Variants in FHIT observed in about 807,000 individuals in gnomAD.
The protein encoded by FHIT is bis(5'-adenosyl)-triphosphatase.
FHIT carries 19 observed loss-of-function variants against 17.9 expected under a neutral mutation model. That is an observed-to-expected ratio of 1.06 (90% confidence interval 0.74 to 1.56). The LOEUF (loss-of-function observed/expected upper bound fraction) is 1.56. Among genes scored for constraint, FHIT ranks in the 40% most tolerant of loss-of-function variants. The probability of loss-of-function intolerance (pLI) is 0.00; values close to 1 mark genes in which losing one functional copy is unlikely to be tolerated. For synonymous variants in FHIT, 81 were observed against 69.7 expected (o/e 1.16, Z -0.81); for missense variants, 248 against 189.2 (o/e 1.31, Z -1.82).
intron 5 of FHIT, among the ~76,000 whole-genome samples, chr3:60,117,454 T>C (rs1010849979): frequency 5.7e-5 from 7 of 122,758 alleles, no homozygotes; most frequent in Non-Finnish European, 6.4e-5. Flanking sequence ...ATAATGTCAA[T>C]ATTAAATCCA....
chr3:60,353,309 C>A (rs1699503497), intron 5 of FHIT, among the ~76,000 whole-genome samples: 1 of 152,042 alleles, frequency 6.6e-6, no homozygotes, highest in African/African-American at 2.4e-5. Context: ...GATGCCCAGG[C>A]CTGGTTGGTA....
intron 8 of FHIT, among the ~76,000 whole-genome samples, chr3:59,875,298 C>T (rs772887786): frequency 2.6e-5 from 4 of 152,240 alleles, no homozygotes; most frequent in Non-Finnish European, 5.9e-5. Flanking sequence ...GAGGTGCCAG[C>T]TGTTTCCCCT....
At chr3:60,027,116 C>CAG (rs1559559887) in intron 5 of FHIT, among the ~76,000 whole-genome samples, 2 of 119,856 alleles carry the variant, frequency 1.7e-5, no homozygotes, top group Non-Finnish European at 3.4e-5. Flanking sequence ...CAGACACACA[C>CAG]ACACACACAC....
intron 8 of FHIT, among the ~76,000 whole-genome samples, chr3:59,833,226 C>T (rs1165149771): frequency 1.3e-5 from 2 of 152,152 alleles, no homozygotes; most frequent in Non-Finnish European, 2.9e-5. Flanking sequence ...CTAATCACTA[C>T]TACCTCAATA....
intron 4 of FHIT, among the ~76,000 whole-genome samples, chr3:60,705,918 T>C (rs1266403923): frequency 2.6e-5 from 4 of 152,172 alleles, no homozygotes; most frequent in African/African-American, 9.7e-5. Flanking sequence ...TAAGAATATA[T>C]TATAACTATA....
At chr3:60,405,487 C>T (rs1314112339) in intron 5 of FHIT, among the ~76,000 whole-genome samples, 1 of 152,160 alleles carries the variant, frequency 6.6e-6, no homozygotes, top group Non-Finnish European at 1.5e-5. Flanking sequence ...TCTCTGACCT[C>T]CTCACCCTTC....
intron 5 of FHIT, among the ~76,000 whole-genome samples, chr3:60,227,505 G>A (rs1420021867): frequency 6.6e-6 from 1 of 152,172 alleles, no homozygotes; most frequent in East Asian, 1.9e-4. Flanking sequence ...TTTGAGGGCT[G>A]TCTTCAAATT....
At chr3:61,074,723 AC>A (rs2034918089) in intron 2 of FHIT, among the ~76,000 whole-genome samples, 1 of 152,190 alleles carries the variant, frequency 6.6e-6, no homozygotes, top group Admixed American at 6.5e-5. Context: ...ATGATCAAAG[AC>A]AAATATTCAT....
Position 60,340,618 on chromosome 3 carries a change from G to A in FHIT, c.103+196242C>T, listed in dbSNP as rs77533491. Among the ~76,000 whole-genome samples, 559 of 152,298 alleles carry A rather than the reference G, an allele frequency of 3.7e-3. 3 individuals carry two copies. The highest frequency in any genetic ancestry group is 6.3e-3 in the Non-Finnish European group (429 of 68,014). On this transcript the variant is annotated intron_variant, in intron 5 of 9. Transcript: ENST00000492590. ...AGCAACATGTCAGAATATGCAAGAC[G>A]ATGGGCTGCAGGATAATTAATTATT...
rs141952180 is a variant in FHIT at position 61,065,819 on chromosome 3, G to C, written c.-163-23720C>G. 1.0e-3 allele frequency among the ~76,000 whole-genome samples: 156 copies of C among 152,018 alleles called. 2 individuals are homozygous for C. Among genetic ancestry groups the C allele is most frequent in the African/African-American group, 3.5e-3 (146 of 41,430 alleles). ...TTTATTCTCTCATTTAACAAGTTTG[G>C]AGATCAGTAGTCTAGTGCTGACATG... On this transcript the variant is annotated intron_variant, in intron 2 of 9. Coordinates refer to ENST00000492590, the MANE Select transcript of FHIT (RefSeq NM_002012.4).
chr3:59,943,528 T>G (rs13064561), intron 7 of FHIT, among the ~76,000 whole-genome samples: 10,230 of 152,128 alleles, frequency 0.067, 478 homozygotes, highest in Non-Finnish European at 0.098. Flanking sequence ...AATCATTAAC[T>G]GCAAATGGAA....
intron 8 of FHIT, among the ~76,000 whole-genome samples, chr3:59,832,111 T>A (rs1701185536): frequency 6.6e-6 from 1 of 152,160 alleles, no homozygotes; most frequent in Non-Finnish European, 1.5e-5. Flanking sequence ...GCTGTTTAGC[T>A]CAGAAATTCT....
intron 8 of FHIT, among the ~76,000 whole-genome samples, chr3:59,885,690 G>A (rs1241220296): frequency 6.6e-6 from 1 of 152,152 alleles, no homozygotes; most frequent in Non-Finnish European, 1.5e-5. Flanking sequence ...TGCCTGGGGT[G>A]TCACCAACAG....
chr3:61,182,894 G>T (rs1032153907), intron 2 of FHIT, among the ~76,000 whole-genome samples: 4 of 152,130 alleles, frequency 2.6e-5, no homozygotes, highest in African/African-American at 9.7e-5. Flanking sequence ...TGATTTGAAG[G>T]CCCTTCTACT....
chr3:60,311,120 T>C (rs1157626561), intron 5 of FHIT, among the ~76,000 whole-genome samples: 2 of 152,188 alleles, frequency 1.3e-5, no homozygotes, highest in Non-Finnish European at 2.9e-5. Flanking sequence ...CCCTCTTTAA[T>C]ATAAAATCCA....
At chr3:59,755,188 C>T (rs1470861022) in intron 8 of FHIT, among the ~76,000 whole-genome samples, 2 of 152,186 alleles carry the variant, frequency 1.3e-5, no homozygotes, top group Non-Finnish European at 2.9e-5. Context: ...CCTAGAACTG[C>T]TTTTCTTCTG....
chr3:60,587,939 C>A (rs2037958562), intron 4 of FHIT, among the ~76,000 whole-genome samples: 2 of 151,822 alleles, frequency 1.3e-5, no homozygotes, highest in Non-Finnish European at 2.9e-5. Context: ...CTCCAAAGAT[C>A]ATGCAATGCC....
chr3:61,165,033 A>G (rs2107109788), intron 2 of FHIT, among the ~76,000 whole-genome samples: 1 of 152,314 alleles, frequency 6.6e-6, no homozygotes, highest in Non-Finnish European at 1.5e-5. Flanking sequence ...TCTATATCCA[A>G]TCCACCATTC....
intron 4 of FHIT, among the ~76,000 whole-genome samples, chr3:60,672,014 C>T (rs1196210186): frequency 1.3e-5 from 2 of 152,132 alleles, no homozygotes; most frequent in Non-Finnish European, 2.9e-5. Flanking sequence ...ATATGTCCCT[C>T]TTTATCTTTG....
Sources: allele counts gnomAD v4.1 joint callset (sites outside exome capture counted in the v4.1 genomes callset), GRCh38; gene constraint gnomAD v4.1.1; transcripts MANE v1.5; gene names NCBI Gene and HGNC (gene_info 2026-07-23, HGNC 2026-07-21).